MPZL1: variants seen among roughly 807,000 people sequenced by gnomAD.
The protein encoded by MPZL1 is myelin protein zero like 1, also known as myelin protein zero-like protein 1.
In MPZL1, 16 loss-of-function variants were observed where a neutral mutation model predicts 29.3. That is an observed-to-expected ratio of 0.55 (90% CI 0.37 to 0.83). The LOEUF (loss-of-function observed/expected upper bound fraction) is 0.83, where lower values mean the gene tolerates loss of function less well. Ranked by LOEUF, MPZL1 falls within the 40% of genes least tolerant of loss-of-function variation. MPZL1 has a pLI of 0.00. For missense variants in MPZL1, 279 were observed against 332.9 expected (o/e 0.84, Z 1.26); for synonymous variants, 143 against 132.0 (o/e 1.08, Z -0.57).
intron 4 of MPZL1, among the ~76,000 whole-genome samples, chr1:167,775,040 T>G (rs555495438): frequency 6.6e-6 from 1 of 152,230 alleles, no homozygotes; most frequent in Admixed American, 6.5e-5. Context: ...TGAAGTTACA[T>G]AGAGTTTTTA....
chr1:167,768,925 C>T (rs1661182227), intron 2 of MPZL1, among the ~76,000 whole-genome samples: 1 of 152,126 alleles, frequency 6.6e-6, no homozygotes, highest in Admixed American at 6.5e-5. Flanking sequence ...ATTTGCAAAG[C>T]TGAGAGTTTA....
intron 1 of MPZL1, among the ~76,000 whole-genome samples, chr1:167,762,861 T>C (rs10918760): frequency 0.75 from 113,622 of 152,122 alleles, 42,908 homozygotes; most frequent in African/African-American, 0.84. Context: ...TAGAGAAAAG[T>C]GTAGATAGCC....
At chr1:167,762,602 T>C (rs1290810981) in intron 1 of MPZL1, among the ~76,000 whole-genome samples, 1 of 152,216 alleles carries the variant, frequency 6.6e-6, no homozygotes, top group African/African-American at 2.4e-5. Flanking sequence ...CCCAAGGTGA[T>C]TGGCTACGGC....
At position 167,727,470 on chromosome 1, in the gene MPZL1, G is replaced by A. The variant is rs371562220; in HGVS notation, c.91+5228G>A. ...ACCACAGATGTCATTTTAAAAGGGAGAGTAAAATGGTAAGCTTTGGCATAT... is the reference window on the plus strand; with the variant it reads ...ACCACAGATGTCATTTTAAAAGGGAAAGTAAAATGGTAAGCTTTGGCATAT... On this transcript the variant is annotated intron_variant, in intron 1 of 5. Coordinates refer to ENST00000359523, the MANE Select transcript of MPZL1 (RefSeq NM_003953.6). 5.0e-4 allele frequency among the ~76,000 whole-genome samples: 76 copies of A among 152,322 alleles called. 1 individual carries two copies. The highest frequency in any genetic ancestry group is 1.7e-3 in the African/African-American group (71 of 41,580).
At chr1:167,730,047 T>C (rs1660230378) in intron 1 of MPZL1, among the ~76,000 whole-genome samples, 1 of 152,180 alleles carries the variant, frequency 6.6e-6, no homozygotes, top group Admixed American at 6.5e-5. Flanking sequence ...CTGGAATGTC[T>C]TAAGTGTTTA....
rs73037861 is a variant in MPZL1, at chr1:167,750,827, C to T, written c.92-14756C>T. Among the ~76,000 whole-genome samples, 442 of 152,316 alleles carry T rather than the reference C, an allele frequency of 2.9e-3. 5 individuals are homozygous for T. The highest frequency in any genetic ancestry group is 0.01 in the African/African-American group (421 of 41,574). ...AGAAAATCCAGAATCATGTGATTCACTTAGCCATCATGTCTCTTTCATCAC... is the reference window on the plus strand; with the variant it reads ...AGAAAATCCAGAATCATGTGATTCATTTAGCCATCATGTCTCTTTCATCAC... On this transcript the variant is annotated intron_variant, in intron 1 of 5. Coordinates refer to ENST00000359523, the MANE Select transcript of MPZL1 (RefSeq NM_003953.6).
intron 1 of MPZL1, among the ~76,000 whole-genome samples, chr1:167,736,966 T>C (rs1337378660): frequency 2.0e-5 from 3 of 152,210 alleles, no homozygotes. Flanking sequence ...TACTGCTGTT[T>C]TATGTCTCCT....
intron 1 of MPZL1, among the ~76,000 whole-genome samples, chr1:167,754,346 T>A (rs1660823997): frequency 6.6e-6 from 1 of 152,216 alleles, no homozygotes; most frequent in Admixed American, 6.5e-5. Flanking sequence ...TTTCATTTGT[T>A]TCCAAAGTAC....
intron 1 of MPZL1, among the ~76,000 whole-genome samples, chr1:167,729,303 A>C (rs1558106806): frequency 6.6e-6 from 1 of 152,096 alleles, no homozygotes; most frequent in Non-Finnish European, 1.5e-5. Context: ...GCTGTTATTA[A>C]AATTAAGAAA....
At chr1:167,742,757 A>G (rs1457811210) in intron 1 of MPZL1, among the ~76,000 whole-genome samples, 1 of 152,146 alleles carries the variant, frequency 6.6e-6, no homozygotes, top group African/African-American at 2.4e-5. Flanking sequence ...TAGAATTTTT[A>G]TAGTTTCAGG....
intron 1 of MPZL1, among the ~76,000 whole-genome samples, chr1:167,732,039 T>G (rs993060183): frequency 6.6e-6 from 1 of 152,250 alleles, no homozygotes; most frequent in Non-Finnish European, 1.5e-5. Context: ...TATGACTAAT[T>G]GTATTTTTCA....
chr1:167,760,808 G>A (rs1420064702), intron 1 of MPZL1, among the ~76,000 whole-genome samples: 1 of 147,238 alleles, frequency 6.8e-6, no homozygotes, highest in Non-Finnish European at 1.5e-5. Context: ...GGTGTCATCA[G>A]CATTTGAAAC....
chr1:167,787,878 A>T lies in MPZL1; in HGVS notation c.767A>T (p.Asn256Ile). Reference sequence around the variant, plus strand: ...GGCGGACATCACAGTGACAAGATTAACAAGTCAGAGTCTGTGGTGTATGCG... The same window carrying T: ...GGCGGACATCACAGTGACAAGATTATCAAGTCAGAGTCTGTGGTGTATGCG... ...HSGGHHSDKI[N>I]KSESVVYADI... The change falls in exon 6 of 6, where the codon AAC becomes ATC. Residue 256 changes from asparagine to isoleucine, a missense_variant. Transcript: ENST00000359523. 3.7e-6 allele frequency: 6 copies of T among 1,613,840 alleles called. No individual in the cohort carries two copies. The highest frequency in any genetic ancestry group is 5.1e-6 in the Non-Finnish European group (6 of 1,179,708).
intron 2 of MPZL1, among the ~76,000 whole-genome samples, chr1:167,766,920 C>G (rs1191487924): frequency 6.6e-6 from 1 of 152,224 alleles, no homozygotes; most frequent in Non-Finnish European, 1.5e-5. Flanking sequence ...TTACCTAAGG[C>G]AGTGCTTCTC....
At chr1:167,779,684 A>T (rs1057182894) in intron 5 of MPZL1, among the ~76,000 whole-genome samples, 1 of 152,174 alleles carries the variant, frequency 6.6e-6, no homozygotes. Flanking sequence ...AGTACAAAGG[A>T]TGGGGTGGAA....
At chr1:167,722,344 C>A in intron 1 of MPZL1, 102 bp downstream of exon 1, 25 of 1,226,650 alleles carry the variant, frequency 2.0e-5, no homozygotes, top group Non-Finnish European at 2.5e-5. Flanking sequence ...CACTGAGAGC[C>A]GAGGTGGGGA....
In MPZL1 at chr1:167,765,677, T is replaced by C. The variant is rs777931189; in HGVS notation, c.186T>C (p.Ser62=). ...GGAAGCTGACCTGCAAGTTCAAGTC[T>C]ACTAGTACGACTGGCGGGTTGACCT... is the stretch of plus-strand genomic sequence containing the variant. ...TQGKLTCKFK[S]TSTTGGLTSV... is the part of the protein sequence containing the mutation. Residue 62 remains serine, a synonymous_variant, in exon 2 of 6, where the codon TCT becomes TCC. Coordinates refer to ENST00000359523, the MANE Select transcript of MPZL1 (RefSeq NM_003953.6). 26 of 1,613,594 alleles carry C rather than the reference T, an allele frequency of 1.6e-5. No individual in the cohort carries two copies. In the East Asian group the frequency reaches 5.6e-4, roughly 35 times the overall value.
rs893391884 is a variant in MPZL1 at position 167,721,986 on chromosome 1, A to C, written c.-166A>C. 1.9e-6 allele frequency: 2 copies of C among 1,028,574 alleles called. No individual in the cohort carries two copies. The highest frequency in any genetic ancestry group is 6.5e-5 in the East Asian group (2 of 30,592). 63.7% of individuals were successfully genotyped at this position (1,028,574 alleles called of 1,614,324 possible). ...GAGTGGGGCTGAGGCTTCGGTGCAG[A>C]GCTGGAGAGCCGCGGCTGGGACCGG... On this transcript the variant is annotated 5_prime_UTR_variant, in exon 1 of 6. Transcript: ENST00000359523.
Position 167,773,303 on chromosome 1 carries a change from T to C in MPZL1, c.540T>C (p.Thr180=). The C allele has an allele frequency of 6.2e-7, 1 of 1,613,874 alleles. No individual in the cohort carries two copies. The highest frequency in any genetic ancestry group is 8.5e-7 in the Non-Finnish European group (1 of 1,179,728). The part of the protein sequence containing the change: ...GIVTAVVLGL[T]LLISMILAVL... ...TTACTGCTGTGGTCCTAGGTCTCACTCTGCTCATCAGCATGATTCTGGCTG... is the reference window on the plus strand; with the variant it reads ...TTACTGCTGTGGTCCTAGGTCTCACCCTGCTCATCAGCATGATTCTGGCTG... Residue 180 remains threonine, a synonymous_variant, in exon 4 of 6, where the codon ACT becomes ACC. Coordinates refer to ENST00000359523, the MANE Select transcript of MPZL1 (RefSeq NM_003953.6).
Sources: gnomAD v4.1 joint callset for allele counts (sites outside exome capture counted in the v4.1 genomes callset) on GRCh38, gnomAD v4.1.1 for gene constraint, MANE v1.5 for transcripts, NCBI Gene and HGNC (gene_info 2026-07-23, HGNC 2026-07-21) for gene names.